Variants in CRACDL observed in about 807,000 individuals in gnomAD.
The protein encoded by CRACDL is CRACD-like protein.
In CRACDL, 26 loss-of-function variants were observed where a neutral mutation model predicts 70.6. The observed-to-expected ratio is 0.37, with a 90% confidence interval of 0.27 to 0.51. CRACDL has a LOEUF of 0.51. CRACDL is among the 20% of genes least tolerant of loss of function. The pLI is 0.94. For synonymous variants in CRACDL, 618 were observed against 615.2 expected (o/e 1.00, Z -0.07); for missense variants, 1,283 against 1,376.9 (o/e 0.93, Z 1.08).
intron 6 of CRACDL, among the ~76,000 whole-genome samples, chr2:98,825,351 G>A (rs1027404658): frequency 1.3e-5 from 2 of 152,218 alleles, no homozygotes; most frequent in African/African-American, 2.4e-5. Context: ...TGTTTGCCCA[G>A]GCTGGCTACA....
At chr2:98,801,453 A>C (rs1304166216) in intron 7 of CRACDL, among the ~76,000 whole-genome samples, 1 of 152,236 alleles carries the variant, frequency 6.6e-6, no homozygotes, top group Non-Finnish European at 1.5e-5. Context: ...CCCAGTGAGC[A>C]CAGGCAGAGC....
At chr2:98,854,305 G>GA (rs1223305692) in intron 1 of CRACDL, among the ~76,000 whole-genome samples, 1 of 136,794 alleles carries the variant, frequency 7.3e-6, no homozygotes, top group Admixed American at 7.3e-5. Flanking sequence ...AAAAAAGAAA[G>GA]AAAAGAAAAC....
intron 1 of CRACDL, among the ~76,000 whole-genome samples, chr2:98,923,441 C>G (rs769256102): frequency 2.0e-5 from 3 of 151,990 alleles, no homozygotes; most frequent in Non-Finnish European, 4.4e-5. Context: ...CCCAGGACAC[C>G]CCCTAATGGA....
At chr2:98,887,850 C>G (rs972190108) in intron 1 of CRACDL, among the ~76,000 whole-genome samples, 12 of 152,180 alleles carry the variant, frequency 7.9e-5, no homozygotes, top group Non-Finnish European at 1.5e-4. Context: ...GATGAACTAT[C>G]CAGGCTGAAG....
intron 1 of CRACDL, among the ~76,000 whole-genome samples, chr2:98,884,001 C>T (rs1707725802): frequency 6.6e-6 from 1 of 152,196 alleles, no homozygotes; most frequent in African/African-American, 2.4e-5. Context: ...GAAATAGTGC[C>T]GCCCACAGGA....
chr2:98,861,938 G>C (rs1457083646), intron 1 of CRACDL, among the ~76,000 whole-genome samples: 1 of 152,172 alleles, frequency 6.6e-6, no homozygotes, highest in Non-Finnish European at 1.5e-5. Flanking sequence ...TCCTCTGGCT[G>C]TTGCTTCTGA....
intron 1 of CRACDL, among the ~76,000 whole-genome samples, chr2:98,911,678 G>C (rs1159706837): frequency 6.6e-6 from 1 of 152,194 alleles, no homozygotes; most frequent in Non-Finnish European, 1.5e-5. Context: ...AGCCCACCCT[G>C]ATTTTGTGAA....
At chr2:98,799,456 C>T (rs1575317360) in intron 7 of CRACDL, among the ~76,000 whole-genome samples, 2 of 152,232 alleles carry the variant, frequency 1.3e-5, no homozygotes, top group African/African-American at 4.8e-5. Flanking sequence ...ACGGCTCTCA[C>T]TCCTTTTTCT....
At chr2:98,844,742 A>G (rs951565265) in intron 2 of CRACDL, among the ~76,000 whole-genome samples, 1 of 152,218 alleles carries the variant, frequency 6.6e-6, no homozygotes, top group Non-Finnish European at 1.5e-5. Flanking sequence ...ATTACTGACT[A>G]TATGCTTGTC....
In CRACDL at chr2:98,926,955, C is replaced by T. The variant is rs556664505; in HGVS notation, c.-11+8983G>A. On this transcript the variant is annotated intron_variant, in intron 1 of 9. Transcript: ENST00000397899. ...CCACCCTCTCAGCTAGGGCGGGTCT[C>T]CAGGGATTCGTTTCTAAGTACTTGG... Among the ~76,000 whole-genome samples, 3 of 152,260 alleles carry T rather than the reference C, an allele frequency of 2.0e-5. No homozygotes were observed. In the East Asian group the frequency reaches 5.8e-4, roughly 29 times the overall value.
intron 7 of CRACDL, among the ~76,000 whole-genome samples, chr2:98,805,432 C>T (rs905108090): frequency 2.0e-5 from 3 of 152,104 alleles, no homozygotes; most frequent in African/African-American, 2.4e-5. Context: ...CAAGGTGCCC[C>T]GGATGCCCTC....
At chr2:98,842,661 G>A (rs1404279854) in intron 2 of CRACDL, among the ~76,000 whole-genome samples, 1 of 152,042 alleles carries the variant, frequency 6.6e-6, no homozygotes, top group Non-Finnish European at 1.5e-5. Context: ...AAGTCACACA[G>A]TATGTCCCCT....
chr2:98,796,037 C>T (rs1703803287), intron 9 of CRACDL, 83 bp downstream of exon 9: 1 of 1,443,014 alleles, frequency 6.9e-7, no homozygotes, highest in Non-Finnish European at 9.7e-7. Context: ...TTTGCAAAAA[C>T]CAAACCAAAC....
chr2:98,849,487 G>C (rs1253749344), intron 1 of CRACDL, among the ~76,000 whole-genome samples: 2 of 152,118 alleles, frequency 1.3e-5, no homozygotes, highest in Non-Finnish European at 2.9e-5. Flanking sequence ...CAGAGGCTCA[G>C]GCTTGCTTCT....
chr2:98,898,407 A>G (rs1242294775), intron 1 of CRACDL, among the ~76,000 whole-genome samples: 1 of 152,248 alleles, frequency 6.6e-6, no homozygotes, highest in Non-Finnish European at 1.5e-5. Flanking sequence ...TGTGAGGCCT[A>G]GAAGAGAAAT....
chr2:98,914,347 AC>A (rs751367503), intron 1 of CRACDL, among the ~76,000 whole-genome samples: 1 of 151,666 alleles, frequency 6.6e-6, no homozygotes, highest in South Asian at 2.1e-4. Flanking sequence ...GCTGGACCCT[AC>A]CCCCTCACTC....
intron 1 of CRACDL, among the ~76,000 whole-genome samples, chr2:98,867,670 C>T (rs561688389): frequency 4.6e-5 from 7 of 152,256 alleles, no homozygotes; most frequent in East Asian, 3.9e-4. Flanking sequence ...TTCACTCTAA[C>T]GCTGAGGAGT....
chr2:98,826,372 G>A (rs1705302304), intron 6 of CRACDL, among the ~76,000 whole-genome samples: 1 of 152,194 alleles, frequency 6.6e-6, no homozygotes. Flanking sequence ...CAACAACTCT[G>A]TGACTAGAAA....
At chr2:98,828,788 C>A (rs982094250) in intron 5 of CRACDL, among the ~76,000 whole-genome samples, 1 of 152,116 alleles carries the variant, frequency 6.6e-6, no homozygotes, top group African/African-American at 2.4e-5. Flanking sequence ...GGGAATAAAG[C>A]AATAAAAATT....
Sources: allele counts gnomAD v4.1 joint callset (sites outside exome capture counted in the v4.1 genomes callset), GRCh38; gene constraint gnomAD v4.1.1; transcripts MANE v1.5; gene names NCBI Gene and HGNC (gene_info 2026-07-23, HGNC 2026-07-21).